Variants in OTOGL observed in about 807,000 individuals in gnomAD.
OTOGL encodes otogelin like, also known as otogelin-like protein.
A neutral mutation model predicts 318.5 loss-of-function variants in OTOGL; 285 were observed. That is an observed-to-expected ratio of 0.89 (90% confidence interval 0.81 to 0.99). The LOEUF (loss-of-function observed/expected upper bound fraction) is 0.99, where lower values mean the gene tolerates loss of function less well. Among genes scored for constraint, OTOGL ranks in the 50% least tolerant of loss-of-function variants. The pLI is 0.00. For synonymous variants in OTOGL, 987 were observed against 936.5 expected (o/e 1.05, Z -0.99); for missense variants, 2,899 against 2,845.6 (o/e 1.02, Z -0.43).
chr12:80,335,946 T>C lies in OTOGL; in HGVS notation c.4423-17T>C. On this transcript the variant is annotated splice_polypyrimidine_tract_variant and intron_variant, in intron 38 of 58. Coordinates refer to ENST00000547103, the MANE Select transcript of OTOGL (RefSeq NM_001378609.3). ...AGCTGAGAATGAAAAAACCCACTAA[T>C]CTTTTTTTATTAACAGCCTCAGAAA... 6.7e-7 allele frequency: 1 copy of C among 1,496,646 alleles called. No homozygotes were observed. The highest frequency in any genetic ancestry group is 1.4e-5 in the African/African-American group (1 of 70,746). The allele number at this position is 1,496,646 out of a possible 1,614,324, so 92.7% of individuals were successfully genotyped here.
intron 26 of OTOGL, among the ~76,000 whole-genome samples, chr12:80,295,128 A>C (rs1885296017): frequency 6.7e-6 from 1 of 150,016 alleles, no homozygotes. Context: ...CCACCAAAAA[A>C]ACAAAACACA....
At position 80,239,111 on chromosome 12, in the gene OTOGL, A is replaced by G. The variant is rs184035156; in HGVS notation, c.945+133A>G. ...ATTATATCCAGGAAATGTAATTGCAATAGGAAATCACCTTAATTTTAGAAA... is the reference window on the plus strand; with the variant it reads ...ATTATATCCAGGAAATGTAATTGCAGTAGGAAATCACCTTAATTTTAGAAA... On this transcript the variant is annotated intron_variant, in intron 10 of 58. Coordinates refer to ENST00000547103, the MANE Select transcript of OTOGL (RefSeq NM_001378609.3). The G allele has an allele frequency of 7.3e-4, 852 of 1,161,516 alleles. 6 individuals are homozygous for G. The African/African-American group carries it at 0.012, about 16-fold the overall frequency. The allele number at this position is 1,161,516 out of a possible 1,614,324, so 72.0% of individuals were successfully genotyped here. A position where few individuals can be genotyped will look rare whatever the true frequency, so the allele number is the denominator to read the frequency against.
At chr12:80,275,393 G>T (rs971727213) in intron 24 of OTOGL, among the ~76,000 whole-genome samples, 1 of 151,906 alleles carries the variant, frequency 6.6e-6, no homozygotes, top group Non-Finnish European at 1.5e-5. Flanking sequence ...CTGAAGATAT[G>T]ACTGATTTGC....
chr12:80,309,735 G>A (rs995996277), intron 29 of OTOGL, among the ~76,000 whole-genome samples: 2 of 152,174 alleles, frequency 1.3e-5, no homozygotes, highest in Non-Finnish European at 2.9e-5. Context: ...AGGAGGAAAT[G>A]AATGTGGATA....
chr12:80,371,253 T>G (rs1331327430), intron 56 of OTOGL, among the ~76,000 whole-genome samples: 2 of 152,170 alleles, frequency 1.3e-5, no homozygotes, highest in African/African-American at 2.4e-5. Context: ...AAGATTTTTG[T>G]AGCTTTATTT....
intron 11 of OTOGL, among the ~76,000 whole-genome samples, chr12:80,241,480 T>A (rs1004196870): frequency 1.3e-5 from 2 of 152,134 alleles, no homozygotes; most frequent in East Asian, 1.9e-4. Flanking sequence ...TTCTCTTTTT[T>A]AAGGATGGCT....
At chr12:80,319,377 T>G (rs948942265) in intron 33 of OTOGL, among the ~76,000 whole-genome samples, 1 of 152,170 alleles carries the variant, frequency 6.6e-6, no homozygotes, top group Non-Finnish European at 1.5e-5. Flanking sequence ...TGTATAAGCT[T>G]AGGAATTTAT....
chr12:80,161,306 CTG>C (rs1159744893), intron 1 of OTOGL, among the ~76,000 whole-genome samples: 1 of 151,828 alleles, frequency 6.6e-6, no homozygotes, highest in East Asian at 1.9e-4. Context: ...CGTGGAAAAA[CTG>C]TAACTAGGAG....
chr12:80,254,942 G>T, intron 15 of OTOGL, 98 bp from the exon 16 acceptor site: 2 of 1,034,402 alleles, frequency 1.9e-6, no homozygotes, highest in Non-Finnish European at 2.6e-6. Context: ...AAGTTGATCT[G>T]CTTTTAAAGG....
intron 1 of OTOGL, among the ~76,000 whole-genome samples, chr12:80,111,464 A>G (rs1210600515): frequency 2.6e-5 from 4 of 152,214 alleles, no homozygotes; most frequent in Admixed American, 2.6e-4. Flanking sequence ...TTTTCTGCAT[A>G]TGGCTGGCTA....
chr12:80,146,371 C>T (rs1333428651), intron 1 of OTOGL, among the ~76,000 whole-genome samples: 6 of 149,578 alleles, frequency 4.0e-5, no homozygotes, highest in Admixed American at 1.3e-4. Flanking sequence ...TATTGATTTG[C>T]GTATATTGAA....
intron 18 of OTOGL, among the ~76,000 whole-genome samples, chr12:80,259,320 C>CAAG (rs1228789970): frequency 1.3e-5 from 2 of 151,360 alleles, no homozygotes; most frequent in Non-Finnish European, 1.5e-5. Context: ...AGCTACTCTC[C>CAAG]AAATACTGTT....
chr12:80,232,328 A>T, intron 8 of OTOGL, among the ~76,000 whole-genome samples: 1 of 152,116 alleles, frequency 6.6e-6, no homozygotes, highest in South Asian at 2.1e-4. Flanking sequence ...TCATCCTTTG[A>T]TTTTTTTTAG....
intron 1 of OTOGL, 47 bp downstream of exon 1, chr12:80,099,652 C>T (rs916192524): frequency 1.3e-5 from 2 of 152,022 alleles, no homozygotes; most frequent in African/African-American, 4.8e-5. Context: ...GAAAGCAAAT[C>T]GAGAAGTAAG....
intron 16 of OTOGL, among the ~76,000 whole-genome samples, chr12:80,255,472 T>A (rs1231133796): frequency 6.6e-6 from 1 of 152,050 alleles, no homozygotes; most frequent in African/African-American, 2.4e-5. Flanking sequence ...ATTTTCTTTT[T>A]TAAAAAGTAG....
intron 44 of OTOGL, chr12:80,343,526 T>TTTTTTTTTTTTTTTTTTTC (rs1555301044): frequency 1.4e-4 from 16 of 118,170 alleles, no homozygotes; most frequent in African/African-American, 6.4e-4. Context: ...TTTTTTTTTT[T>TTTTTTTTTTTTTTTTTTTC]TTTTTTTTTT....
chr12:80,291,998 G>C (rs1186510284), intron 26 of OTOGL, among the ~76,000 whole-genome samples: 2 of 146,938 alleles, frequency 1.4e-5, no homozygotes, highest in Non-Finnish European at 3.0e-5. Context: ...TTCTTTTTTT[G>C]TTTTTTTGAG....
chr12:80,125,003 C>A (rs539475385), intron 1 of OTOGL, among the ~76,000 whole-genome samples: 7 of 152,310 alleles, frequency 4.6e-5, no homozygotes, highest in Non-Finnish European at 7.4e-5. Context: ...ATTTGACTTC[C>A]TCTTTTCCTA....
At chr12:80,315,145 G>A (rs1886888779) in intron 32 of OTOGL, among the ~76,000 whole-genome samples, 1 of 152,116 alleles carries the variant, frequency 6.6e-6, no homozygotes, top group Admixed American at 6.6e-5. Flanking sequence ...GGAGGAATAA[G>A]TTCTGGTATC....
Sources: gnomAD v4.1 joint callset for allele counts (sites outside exome capture counted in the v4.1 genomes callset) on GRCh38, gnomAD v4.1.1 for gene constraint, MANE v1.5 for transcripts, NCBI Gene and HGNC (gene_info 2026-07-23, HGNC 2026-07-21) for gene names.